A2M: variants seen among roughly 807,000 people sequenced by gnomAD.
A2M encodes the protein C3 and PZP-like alpha-2-macroglobulin domain-containing protein 5.
Under a neutral mutation model 183.9 loss-of-function variants are expected in A2M, and 128 were observed. That is an observed-to-expected ratio of 0.70 (90% confidence interval 0.60 to 0.81). The LOEUF is 0.81. A2M is among the 30% of genes least tolerant of loss of function. The pLI is 0.00. For synonymous variants in A2M, 592 were observed against 670.8 expected (o/e 0.88, Z 1.81); for missense variants, 1,495 against 1,787.6 (o/e 0.84, Z 2.95).
chr12:9,094,839 C>A, intron 17 of A2M, 134 bp downstream of exon 17: 1 of 427,408 alleles, frequency 2.3e-6, no homozygotes, highest in Non-Finnish European at 4.0e-6. Flanking sequence ...ACTATATGAC[C>A]TTGAGCAATA....
At chr12:9,098,964 A>G (rs1949470933) in intron 14 of A2M, among the ~76,000 whole-genome samples, 1 of 152,110 alleles carries the variant, frequency 6.6e-6, no homozygotes, top group Non-Finnish European at 1.5e-5. Context: ...AATTATTTCT[A>G]ATTATTCTTA....
rs1218833942 is a variant in A2M, at chr12:9,070,524, G to C, written c.4158C>G (p.Val1386=). The C allele has an allele frequency of 6.2e-7, 1 of 1,613,748 alleles. No homozygotes were observed. Among genetic ancestry groups the C allele is most frequent in the Non-Finnish European group, 8.5e-7 (1 of 1,179,826 alleles). ...TTGGCTTCAGGGGAATGAAGCCAGA[G>C]ACCATCTTCACATCAACGATCGCCA... ...SNMAIVDVKM[V]SGFIPLKPTV... is the part of the protein sequence containing the mutation. Residue 1386 remains valine, a synonymous_variant, in exon 32 of 36, where the codon GTC becomes GTG. Coordinates refer to ENST00000318602, the MANE Select transcript of A2M (RefSeq NM_000014.6).
chr12:9,102,186 A>T lies in A2M; in HGVS notation c.1267-512T>A, dbSNP rs1203661394. Among the ~76,000 whole-genome samples, 3 of 152,208 alleles carry T rather than the reference A, an allele frequency of 2.0e-5. No individual in the cohort carries two copies. The South Asian group carries it at 6.2e-4, about 32-fold the overall frequency. On this transcript the variant is annotated intron_variant, in intron 11 of 35. Coordinates refer to ENST00000318602, the MANE Select transcript of A2M (RefSeq NM_000014.6). ...TGAGCTGATGAATTAGCTGAAGTCT[A>T]CCTCTTCTGGGCTATCTTAGGCTGA...
At chr12:9,115,420 A>C (rs1477669116) in intron 1 of A2M, 1 of 183,090 alleles carries the variant, frequency 5.5e-6, no homozygotes, top group East Asian at 1.4e-4. Flanking sequence ...TTATTTTTAT[A>C]AAATAGAAAA....
At chr12:9,104,425 G>A (rs1292735208) in intron 10 of A2M, 25 bp from the exon 11 acceptor site, 1 of 1,561,128 alleles carries the variant, frequency 6.4e-7, no homozygotes, top group Admixed American at 1.9e-5. Flanking sequence ...CTGTGGATTA[G>A]TTATATTGGT....
intron 22 of A2M, among the ~76,000 whole-genome samples, chr12:9,087,729 CAT>C (rs1467792948): frequency 6.6e-6 from 1 of 152,078 alleles, no homozygotes; most frequent in African/African-American, 2.4e-5. Context: ...TAAATCATAA[CAT>C]CACTTTGTAT....
At chr12:9,106,393 C>G (rs1337862532) in intron 9 of A2M, 48 bp from the exon 10 acceptor site, 1 of 1,482,762 alleles carries the variant, frequency 6.7e-7, no homozygotes, top group Non-Finnish European at 9.4e-7. Flanking sequence ...AATGATGTCT[C>G]TAAAATTCTA....
At chr12:9,077,635 A>G (rs772556808) in intron 26 of A2M, 66 bp downstream of exon 26, 7 of 1,574,358 alleles carry the variant, frequency 4.4e-6, no homozygotes, top group East Asian at 2.2e-5. Context: ...TCACATTATC[A>G]CTTCCTATCC....
In A2M at chr12:9,093,594, G is replaced by A; in HGVS notation, c.2126-15C>T. On this transcript the variant is annotated splice_polypyrimidine_tract_variant and intron_variant, in intron 17 of 35. Coordinates refer to ENST00000318602, the MANE Select transcript of A2M (RefSeq NM_000014.6). The stretch of plus-strand genomic sequence containing the variant: ...TACATCTGACTCTATGGTGAGTGAG[G>A]AAGAAGACATTACAATAAACATACA... 1.4e-6 allele frequency: 2 copies of A among 1,438,702 alleles called. No homozygotes were observed. Among genetic ancestry groups the A allele is most frequent in the Non-Finnish European group, 1.9e-6 (2 of 1,052,832 alleles). The allele number at this position is 1,438,702 out of a possible 1,614,324, so 89.1% of individuals were successfully genotyped here. A position where few individuals can be genotyped will look rare whatever the true frequency, so the allele number is the denominator to read the frequency against.
intron 22 of A2M, among the ~76,000 whole-genome samples, chr12:9,087,138 GA>G (rs36153951): frequency 0.54 from 81,508 of 151,632 alleles, 23,044 homozygotes; most frequent in African/African-American, 0.7. Flanking sequence ...ACAAATAAAT[GA>G]AAAAAAATAC....
At chr12:9,092,410 G>A (rs911167944) in intron 18 of A2M, among the ~76,000 whole-genome samples, 26 of 147,694 alleles carry the variant, frequency 1.8e-4, no homozygotes, top group Admixed American at 1.3e-3. Context: ...GTGGCTACCC[G>A]CCCCCACCAC....
At chr12:9,110,906 G>T (rs1366015879) in intron 4 of A2M, among the ~76,000 whole-genome samples, 1 of 152,032 alleles carries the variant, frequency 6.6e-6, no homozygotes, top group Non-Finnish European at 1.5e-5. Flanking sequence ...TACTAAAAAT[G>T]GATTAACATG....
chr12:9,110,161 A>C, intron 5 of A2M, 126 bp from the exon 6 acceptor site: 1 of 1,171,446 alleles, frequency 8.5e-7, no homozygotes, highest in Non-Finnish European at 1.2e-6. Flanking sequence ...GGGTGAGTAG[A>C]GGAGATGAGT....
At chr12:9,087,903 G>A (rs141002614) in intron 22 of A2M, among the ~76,000 whole-genome samples, 1 of 152,156 alleles carries the variant, frequency 6.6e-6, no homozygotes, top group East Asian at 1.9e-4. Flanking sequence ...TGTTCATTAA[G>A]AGGCTCTTAT....
chr12:9,103,002 T>C (rs1266347961), intron 11 of A2M, among the ~76,000 whole-genome samples: 1 of 152,198 alleles, frequency 6.6e-6, no homozygotes, highest in Non-Finnish European at 1.5e-5. Context: ...CATGTATCTA[T>C]AGACATGTCT....
chr12:9,101,427 G>A lies in A2M; in HGVS notation c.1494+20C>T, dbSNP rs778764681. ...AGCTTTTGTCTACAGTGAAGTCAAC[G>A]CAGTAACCTCCCTTCTCACCAGATA... On this transcript the variant is annotated intron_variant, in intron 12 of 35. Transcript: ENST00000318602. The A allele has an allele frequency of 4.4e-6, 7 of 1,594,572 alleles. No homozygotes were observed. Among genetic ancestry groups the A allele is most frequent in the Admixed American group, 3.4e-5 (2 of 59,442 alleles).
intron 22 of A2M, among the ~76,000 whole-genome samples, chr12:9,088,368 A>C (rs1949110065): frequency 6.6e-6 from 1 of 152,132 alleles, no homozygotes; most frequent in African/African-American, 2.4e-5. Context: ...CCTTACACTT[A>C]AGAGATACAT....
chr12:9,080,300 C>T (rs908598872), intron 22 of A2M, 123 bp from the exon 23 acceptor site: 17 of 532,774 alleles, frequency 3.2e-5, no homozygotes, highest in South Asian at 7.3e-5. Flanking sequence ...AAGTTGTCCG[C>T]CTTTAATACA....
rs759075060 is a variant in A2M, at chr12:9,101,653, G to T, written c.1288C>A (p.Pro430Thr). ...TVRVNYKDRS[P>T]CYGYQWVSEE... ...GACACCCACTGGTAGCCGTAACAGG[G>T]ACTACGATCCTTGTAATTGACCTAA... is the stretch of plus-strand genomic sequence containing the variant. The change falls in exon 12 of 36, where the codon CCC becomes ACC. Residue 430 changes from proline (P) to threonine (T), a missense_variant. By Grantham distance (38) the Pro-to-Thr change is conservative (BLOSUM62 -1). Transcript: ENST00000318602. 6.2e-7 allele frequency: 1 copy of T among 1,613,644 alleles called. No individual in the cohort carries two copies. The highest frequency in any genetic ancestry group is 1.1e-5 in the South Asian group (1 of 91,018).
Sources: gnomAD v4.1 joint callset for allele counts (sites outside exome capture counted in the v4.1 genomes callset) on GRCh38, gnomAD v4.1.1 for gene constraint, MANE v1.5 for transcripts, NCBI Gene and HGNC (gene_info 2026-07-23, HGNC 2026-07-21) for gene names.